FAM117B: variants seen among roughly 807,000 people sequenced by gnomAD.
FAM117B encodes protein FAM117B.
Under a neutral mutation model 52.8 loss-of-function variants are expected in FAM117B, and 22 were observed. The observed-to-expected ratio is 0.42, with a 90% CI of 0.30 to 0.59. The LOEUF is 0.59. FAM117B is among the 20% of genes least tolerant of loss of function. The pLI, the probability that FAM117B is intolerant of heterozygous loss-of-function variation, is 0.22. For synonymous variants in FAM117B, 309 were observed against 324.1 expected, an observed-to-expected ratio of 0.95 and a Z score of 0.50; for missense variants, 678 against 802.6, an observed-to-expected ratio of 0.84 and a Z score of 1.88.
chr2:202,665,531 G>C (rs1299825785), intron 1 of FAM117B, among the ~76,000 whole-genome samples: 2 of 152,078 alleles, frequency 1.3e-5, no homozygotes, highest in African/African-American at 4.8e-5. Flanking sequence ...ATCTCTCTTG[G>C]CACATGATGT....
At chr2:202,743,632 A>G (rs1032903170) in intron 4 of FAM117B, among the ~76,000 whole-genome samples, 6 of 152,216 alleles carry the variant, frequency 3.9e-5, no homozygotes, top group Non-Finnish European at 4.4e-5. Flanking sequence ...AACACAAACA[A>G]TACAAAGAAT....
intron 6 of FAM117B, among the ~76,000 whole-genome samples, chr2:202,757,714 A>G (rs1691825567): frequency 6.6e-6 from 1 of 152,246 alleles, no homozygotes; most frequent in South Asian, 2.1e-4. Context: ...TTTTTGGAAT[A>G]AATGAGATGA....
intron 1 of FAM117B, among the ~76,000 whole-genome samples, chr2:202,657,641 A>C (rs1395902233): frequency 6.6e-6 from 1 of 151,896 alleles, no homozygotes; most frequent in Non-Finnish European, 1.5e-5. Flanking sequence ...GGCGCATGCC[A>C]CCTCACCTGG....
chr2:202,757,521 A>G, intron 6 of FAM117B, 83 bp downstream of exon 6: 1 of 1,368,628 alleles, frequency 7.3e-7, no homozygotes, highest in Admixed American at 1.9e-5. Flanking sequence ...TTCTAGCAGA[A>G]CACACACACT....
chr2:202,692,334 T>G (rs1260750885), intron 1 of FAM117B, among the ~76,000 whole-genome samples: 1 of 152,168 alleles, frequency 6.6e-6, no homozygotes, highest in Non-Finnish European at 1.5e-5. Context: ...ATGAGGGTGT[T>G]GTAGCACAGA....
At chr2:202,761,192 C>A (rs929406475) in intron 7 of FAM117B, among the ~76,000 whole-genome samples, 1 of 152,306 alleles carries the variant, frequency 6.6e-6, no homozygotes, top group East Asian at 1.9e-4. Flanking sequence ...CCACTGCATC[C>A]GGCCTGAGTT....
chr2:202,746,355 A>G (rs1691632731), intron 4 of FAM117B, among the ~76,000 whole-genome samples: 1 of 152,152 alleles, frequency 6.6e-6, no homozygotes, highest in African/African-American at 2.4e-5. Context: ...ATGCTCCTCA[A>G]TGACCATTGG....
chr2:202,658,665 C>G (rs370638346), intron 1 of FAM117B, among the ~76,000 whole-genome samples: 1 of 152,126 alleles, frequency 6.6e-6, no homozygotes, highest in Admixed American at 6.5e-5. Flanking sequence ...TTGTTTTACT[C>G]TTTTAGCTCT....
chr2:202,672,330 A>G (rs1019980723), intron 1 of FAM117B, among the ~76,000 whole-genome samples: 3 of 152,114 alleles, frequency 2.0e-5, no homozygotes, highest in Non-Finnish European at 2.9e-5. Flanking sequence ...TACCCACCTC[A>G]GCCTCCTGAG....
intron 2 of FAM117B, among the ~76,000 whole-genome samples, chr2:202,722,374 C>T (rs1419487809): frequency 1.3e-5 from 2 of 152,104 alleles, no homozygotes; most frequent in Non-Finnish European, 2.9e-5. Flanking sequence ...TTCTGAACCA[C>T]GCATACTATG....
intron 1 of FAM117B, among the ~76,000 whole-genome samples, chr2:202,655,928 T>TG (rs1690050281): frequency 6.6e-6 from 1 of 152,196 alleles, no homozygotes; most frequent in Non-Finnish European, 1.5e-5. Flanking sequence ...TAAATTCAGC[T>TG]TATTTAATAG....
intron 1 of FAM117B, among the ~76,000 whole-genome samples, chr2:202,650,521 A>C (rs1053667308): frequency 6.6e-6 from 1 of 152,310 alleles, no homozygotes; most frequent in East Asian, 1.9e-4. Context: ...AGATGTATAT[A>C]TAAAGGGGAG....
chr2:202,666,495 A>AT (rs980030761), intron 1 of FAM117B, among the ~76,000 whole-genome samples: 2 of 150,402 alleles, frequency 1.3e-5, no homozygotes, highest in East Asian at 1.9e-4. Context: ...AGCCAGCCAC[A>AT]TTTTTTTTTA....
intron 1 of FAM117B, among the ~76,000 whole-genome samples, chr2:202,686,699 C>T (rs1015351549): frequency 3.3e-5 from 5 of 151,572 alleles, no homozygotes; most frequent in Admixed American, 6.6e-5. Flanking sequence ...CCGAGCTGCT[C>T]GTGAAGCTGA....
chr2:202,678,835 C>T (rs1458358305), intron 1 of FAM117B, among the ~76,000 whole-genome samples: 1 of 152,080 alleles, frequency 6.6e-6, no homozygotes, highest in Non-Finnish European at 1.5e-5. Context: ...TGGGATTACA[C>T]GTGTGAGCCT....
chr2:202,641,696 A>G (rs921421305), intron 1 of FAM117B, among the ~76,000 whole-genome samples: 40 of 150,052 alleles, frequency 2.7e-4, no homozygotes, highest in African/African-American at 8.9e-4. Context: ...CTGGAGTGCA[A>G]TGGCAGATCT....
At chr2:202,739,631 A>T (rs1401182446) in intron 4 of FAM117B, among the ~76,000 whole-genome samples, 2 of 151,862 alleles carry the variant, frequency 1.3e-5, no homozygotes, top group Admixed American at 6.6e-5. Flanking sequence ...GATATTTAAA[A>T]TTTTTTATAG....
At chr2:202,653,465 A>C (rs962140045) in intron 1 of FAM117B, among the ~76,000 whole-genome samples, 7 of 152,142 alleles carry the variant, frequency 4.6e-5, no homozygotes, top group African/African-American at 1.7e-4. Flanking sequence ...CAGCCTCCAG[A>C]GTTGCTGGGA....
intron 1 of FAM117B, among the ~76,000 whole-genome samples, chr2:202,679,150 G>T (rs1312881359): frequency 6.6e-6 from 1 of 152,168 alleles, no homozygotes; most frequent in Non-Finnish European, 1.5e-5. Flanking sequence ...TTGGTCAAAA[G>T]ATATCATCAA....
Sources: allele counts gnomAD v4.1 joint callset (sites outside exome capture counted in the v4.1 genomes callset), GRCh38; gene constraint gnomAD v4.1.1; transcripts MANE v1.5; gene names NCBI Gene and HGNC (gene_info 2026-07-23, HGNC 2026-07-21).